The following NDUFA9 variants were observed in gnomAD, a reference collection of about 807,000 sequenced individuals.
NDUFA9 encodes the protein NADH dehydrogenase [ubiquinone] 1 alpha subcomplex subunit 9, mitochondrial.
A neutral mutation model predicts 45.9 loss-of-function variants in NDUFA9; 23 were observed. That is an observed-to-expected ratio of 0.50 (90% confidence interval 0.36 to 0.71). The LOEUF (loss-of-function observed/expected upper bound fraction) is 0.71. Ranked by LOEUF, NDUFA9 falls within the 30% of genes least tolerant of loss-of-function variation. The probability of loss-of-function intolerance (pLI) is 0.00; values close to 1 mark genes in which losing one functional copy is unlikely to be tolerated. For missense variants in NDUFA9, 466 were observed against 488.2 expected (o/e 0.95, Z 0.43); for synonymous variants, 176 against 170.5 (o/e 1.03, Z -0.25).
chr12:4,655,918 A>G (rs1945787845), intron 3 of NDUFA9: 1 of 152,144 alleles, frequency 6.6e-6, no homozygotes, highest in Non-Finnish European at 1.5e-5. Flanking sequence ...TTCCACAAAG[A>G]GTTGTGCTGC....
At chr12:4,681,624 C>A (rs1945953031) in intron 8 of NDUFA9, among the ~76,000 whole-genome samples, 1 of 148,740 alleles carries the variant, frequency 6.7e-6, no homozygotes, top group Non-Finnish European at 1.5e-5. Flanking sequence ...ATGTTATATA[C>A]TTAACATTTT....
intron 10 of NDUFA9, among the ~76,000 whole-genome samples, chr12:4,686,615 T>C (rs1369617041): frequency 6.6e-6 from 1 of 152,158 alleles, no homozygotes; most frequent in African/African-American, 2.4e-5. Flanking sequence ...GTGTGGTGAC[T>C]TGTGCTTCCC....
At chr12:4,665,256 C>T (rs1481758054) in intron 6 of NDUFA9, among the ~76,000 whole-genome samples, 1 of 152,128 alleles carries the variant, frequency 6.6e-6, no homozygotes, top group Non-Finnish European at 1.5e-5. Context: ...TCCCTCCTTC[C>T]CCCCAGCCCC....
At chr12:4,675,056 C>A (rs1945910615) in intron 8 of NDUFA9, among the ~76,000 whole-genome samples, 4 of 152,202 alleles carry the variant, frequency 2.6e-5, no homozygotes, top group Admixed American at 2.6e-4. Flanking sequence ...CAACCTGCTC[C>A]TGAATGACTA....
chr12:4,649,339 C>T (rs1049986648), intron 1 of NDUFA9, among the ~76,000 whole-genome samples, 164 bp downstream of exon 1: 2 of 152,210 alleles, frequency 1.3e-5, no homozygotes, highest in African/African-American at 4.8e-5. Flanking sequence ...TCGCTTTCCG[C>T]TTCCCCGGCT....
At chr12:4,661,952 C>T (rs142824917) in intron 5 of NDUFA9, among the ~76,000 whole-genome samples, 1 of 152,112 alleles carries the variant, frequency 6.6e-6, no homozygotes, top group East Asian at 1.9e-4. Context: ...TCCAAGCCCA[C>T]TTGGACATCA....
intron 8 of NDUFA9, among the ~76,000 whole-genome samples, chr12:4,672,691 C>T (rs1470775591): frequency 1.3e-5 from 2 of 152,226 alleles, no homozygotes; most frequent in Non-Finnish European, 2.9e-5. Context: ...TCCCTCCTCT[C>T]TGGGCCAGGC....
At chr12:4,655,051 G>C in intron 3 of NDUFA9, 129 bp downstream of exon 3, 1 of 687,716 alleles carries the variant, frequency 1.5e-6, no homozygotes, top group Non-Finnish European at 2.4e-6. Flanking sequence ...CTGTTCCCAG[G>C]TCATTCTTTC....
chr12:4,660,565 T>A (rs1213294252), intron 5 of NDUFA9, among the ~76,000 whole-genome samples: 1 of 152,074 alleles, frequency 6.6e-6, no homozygotes, highest in African/African-American at 2.4e-5. Flanking sequence ...TAGTTTCAGA[T>A]TGGGCCCAGA....
intron 6 of NDUFA9, among the ~76,000 whole-genome samples, chr12:4,663,220 G>A (rs1945833922): frequency 6.6e-6 from 1 of 151,808 alleles, no homozygotes; most frequent in African/African-American, 2.4e-5. Context: ...ATTGGATATT[G>A]GTTTATCCAA....
intron 8 of NDUFA9, among the ~76,000 whole-genome samples, chr12:4,677,350 C>T (rs1175409881): frequency 2.0e-5 from 3 of 152,202 alleles, no homozygotes; most frequent in South Asian, 2.1e-4. Context: ...AAACTATCAT[C>T]AGAGTGAACA....
intron 6 of NDUFA9, chr12:4,667,541 G>A (rs144249019): frequency 4.8e-4 from 95 of 196,124 alleles, no homozygotes; most frequent in African/African-American, 2.3e-3. Flanking sequence ...AGACAGAGTC[G>A]CACTCTGACA....
chr12:4,654,782 A>G (rs762344695), intron 2 of NDUFA9, 43 bp from the exon 3 acceptor site: 1 of 1,416,048 alleles, frequency 7.1e-7, no homozygotes, highest in Non-Finnish European at 9.8e-7. Context: ...ATATATCCAC[A>G]TTATGTTAAT....
chr12:4,659,887 A>C (rs1046043479), intron 5 of NDUFA9, among the ~76,000 whole-genome samples: 1 of 152,218 alleles, frequency 6.6e-6, no homozygotes, highest in East Asian at 1.9e-4. Context: ...TTTACTGGAT[A>C]AACTATTCAT....
intron 1 of NDUFA9, among the ~76,000 whole-genome samples, chr12:4,652,109 A>G (rs1438326456): frequency 2.6e-5 from 4 of 152,210 alleles, no homozygotes; most frequent in African/African-American, 9.7e-5. Context: ...TTTTCCCACC[A>G]TAAACTCTAA....
chr12:4,656,130 T>C (rs547535110), intron 3 of NDUFA9, among the ~76,000 whole-genome samples: 1 of 152,354 alleles, frequency 6.6e-6, no homozygotes, highest in African/African-American at 2.4e-5. Context: ...CCTTTAAATT[T>C]TGATTTATTT....
intron 10 of NDUFA9, among the ~76,000 whole-genome samples, chr12:4,685,572 G>A (rs991599851): frequency 1.6e-4 from 24 of 152,100 alleles, no homozygotes; most frequent in African/African-American, 5.8e-4. Context: ...ACACAAAATT[G>A]CCTAATAGCT....
At chr12:4,654,570 C>T (rs571586267) in intron 2 of NDUFA9, 108 bp downstream of exon 2, 2 of 1,286,502 alleles carry the variant, frequency 1.6e-6, no homozygotes, top group South Asian at 1.4e-5. Context: ...ATGAATTACT[C>T]CTGTCTTGGA....
At chr12:4,657,633 ATAT>A in intron 3 of NDUFA9, 112 bp from the exon 4 acceptor site, 2 of 728,522 alleles carry the variant, frequency 2.7e-6, no homozygotes, top group South Asian at 3.2e-5. Flanking sequence ...AAATGGCACT[ATAT>A]TATGACTACA....
Sources: gnomAD v4.1 joint callset for allele counts (sites outside exome capture counted in the v4.1 genomes callset) on GRCh38, gnomAD v4.1.1 for gene constraint, MANE v1.5 for transcripts, NCBI Gene and HGNC (gene_info 2026-07-23, HGNC 2026-07-21) for gene names.